Variants in NREP observed in about 807,000 individuals in gnomAD.
The protein encoded by NREP is neuronal regeneration-related protein.
Under a neutral mutation model 8.6 loss-of-function variants are expected in NREP, and 5 were observed. The ratio of observed to expected loss-of-function variants is 0.58; its 90% CI spans 0.30 to 1.22. NREP has a LOEUF of 1.22. Among genes scored for constraint, NREP ranks in the 50% most tolerant of loss-of-function variants. The probability of loss-of-function intolerance (pLI) is 0.07; values close to 1 mark genes in which losing one functional copy is unlikely to be tolerated. For missense variants in NREP, 86 were observed against 82.5 expected, an observed-to-expected ratio of 1.04 and a Z score of -0.17; for synonymous variants, 27 against 28.0, an observed-to-expected ratio of 0.96 and a Z score of 0.11.
chr5:111,745,221 T>G (rs1309637089), intron 2 of NREP, among the ~76,000 whole-genome samples: 2 of 152,146 alleles, frequency 1.3e-5, no homozygotes, highest in African/African-American at 2.4e-5. Context: ...TTAGCTACTA[T>G]TATCATCATC....
chr5:111,780,574 G>C (rs1499272), intron 2 of NREP, among the ~76,000 whole-genome samples: 8 of 151,902 alleles, frequency 5.3e-5, no homozygotes, highest in Non-Finnish European at 1.2e-4. Context: ...GCTAGTATAT[G>C]TTTGGTGGGG....
At chr5:111,739,803 T>C (rs1031510966) in intron 2 of NREP, 2 of 152,188 alleles carry the variant, frequency 1.3e-5, no homozygotes, top group African/African-American at 4.8e-5. Flanking sequence ...ACCTCAAAAC[T>C]GTTGTTTCAT....
intron 2 of NREP, among the ~76,000 whole-genome samples, chr5:111,918,792 T>C (rs1221549323): frequency 9.2e-5 from 14 of 152,154 alleles, no homozygotes; most frequent in African/African-American, 2.4e-5. Context: ...ATTCAGGACA[T>C]AGGCATGGGC....
At chr5:111,824,039 G>C (rs114524399) in intron 2 of NREP, among the ~76,000 whole-genome samples, 1 of 152,122 alleles carries the variant, frequency 6.6e-6, no homozygotes, top group Non-Finnish European at 1.5e-5. Flanking sequence ...AATTCTGAGG[G>C]ACCAAAGGTA....
chr5:111,806,214 G>C (rs1472229111), intron 2 of NREP, among the ~76,000 whole-genome samples: 1 of 152,080 alleles, frequency 6.6e-6, no homozygotes, highest in Non-Finnish European at 1.5e-5. Flanking sequence ...CTCTACCCTT[G>C]TCCCACCTCT....
At chr5:111,804,701 A>G (rs1485342964) in intron 2 of NREP, among the ~76,000 whole-genome samples, 8 of 151,492 alleles carry the variant, frequency 5.3e-5, no homozygotes, top group Non-Finnish European at 1.0e-4. Context: ...GAATAAGAGA[A>G]AAAAAAAACA....
chr5:111,770,554 CTTTTTTTTTTTTTTTTTT>C (rs34538408), intron 2 of NREP, among the ~76,000 whole-genome samples: 8,918 of 74,524 alleles, frequency 0.12, 504 homozygotes, highest in African/African-American at 0.24. Flanking sequence ...GAATTATTTC[CTTTTTTTTTTTTTTTTTT>C]TTTTTTTTTT....
intron 2 of NREP, among the ~76,000 whole-genome samples, chr5:111,900,626 T>C (rs1754624748): frequency 6.6e-6 from 1 of 152,074 alleles, no homozygotes; most frequent in Non-Finnish European, 1.5e-5. Context: ...GGGACTATCA[T>C]GAACAACTAT....
intron 2 of NREP, among the ~76,000 whole-genome samples, chr5:111,876,817 T>C (rs1382330725): frequency 6.6e-6 from 1 of 152,184 alleles, no homozygotes; most frequent in African/African-American, 2.4e-5. Flanking sequence ...AACTTAATCT[T>C]CATAAGAATC....
intron 2 of NREP, among the ~76,000 whole-genome samples, chr5:111,766,305 A>G (rs1181426063): frequency 6.6e-6 from 1 of 152,186 alleles, no homozygotes; most frequent in Non-Finnish European, 1.5e-5. Context: ...GAGACTGTTC[A>G]TATTAAAAGT....
chr5:111,849,616 A>G (rs1753261121), intron 2 of NREP, among the ~76,000 whole-genome samples: 1 of 152,122 alleles, frequency 6.6e-6, no homozygotes, highest in Admixed American at 6.6e-5. Flanking sequence ...ACAGCTTGTC[A>G]AATTCAGGGA....
intron 2 of NREP, among the ~76,000 whole-genome samples, chr5:111,795,949 A>G (rs2112898153): frequency 6.6e-6 from 1 of 152,348 alleles, no homozygotes; most frequent in East Asian, 1.9e-4. Context: ...GCAAAGCCTG[A>G]ATTCTTAACC....
chr5:111,960,740 T>C (rs994477101), intron 2 of NREP, among the ~76,000 whole-genome samples: 1 of 152,232 alleles, frequency 6.6e-6, no homozygotes, highest in Non-Finnish European at 1.5e-5. Context: ...TGACTCATTC[T>C]CATTGTATCT....
At chr5:111,844,576 G>A (rs934165153) in intron 2 of NREP, among the ~76,000 whole-genome samples, 3 of 149,432 alleles carry the variant, frequency 2.0e-5, no homozygotes, top group African/African-American at 7.3e-5. Flanking sequence ...ATCCCTCTCA[G>A]TCTTCATTTA....
intron 2 of NREP, among the ~76,000 whole-genome samples, chr5:111,872,190 G>A (rs1753806895): frequency 6.6e-6 from 1 of 152,094 alleles, no homozygotes; most frequent in African/African-American, 2.4e-5. Flanking sequence ...GAGAGTTGAT[G>A]GTGTCGTTCC....
chr5:111,896,891 T>C (rs1408374701), intron 2 of NREP, among the ~76,000 whole-genome samples: 2 of 152,170 alleles, frequency 1.3e-5, no homozygotes, highest in African/African-American at 4.8e-5. Flanking sequence ...TACAATATGA[T>C]TTATTATCCT....
intron 2 of NREP, among the ~76,000 whole-genome samples, chr5:111,908,279 A>C (rs138992413): frequency 3.9e-5 from 6 of 152,152 alleles, no homozygotes; most frequent in Admixed American, 6.6e-5. Flanking sequence ...ATTTTTAAGA[A>C]ATAATTTTAA....
At chr5:111,856,759 C>T (rs1028362626) in intron 2 of NREP, among the ~76,000 whole-genome samples, 5 of 151,426 alleles carry the variant, frequency 3.3e-5, no homozygotes, top group Admixed American at 6.6e-5. Context: ...TGAAAAAAAC[C>T]GACTGGTTTG....
chr5:111,965,443 G>T (rs1241251042), intron 2 of NREP, among the ~76,000 whole-genome samples: 1 of 152,080 alleles, frequency 6.6e-6, no homozygotes, highest in African/African-American at 2.4e-5. Context: ...ATATGATGAT[G>T]TGTATTTTTA....
Sources: allele counts gnomAD v4.1 joint callset (sites outside exome capture counted in the v4.1 genomes callset), GRCh38; gene constraint gnomAD v4.1.1; transcripts MANE v1.5; gene names NCBI Gene and HGNC (gene_info 2026-07-23, HGNC 2026-07-21).